The following PIKFYVE variants were observed in gnomAD, a reference collection of about 807,000 sequenced individuals.
PIKFYVE encodes phosphoinositide kinase, FYVE-type zinc finger containing, also known as 1-phosphatidylinositol 3-phosphate 5-kinase.
PIKFYVE carries 122 observed loss-of-function variants against 257.9 expected under a neutral mutation model. That is an observed-to-expected ratio of 0.47 (90% CI 0.41 to 0.55). PIKFYVE has a LOEUF of 0.55. PIKFYVE is among the 20% of genes least tolerant of loss of function. The pLI, the probability that PIKFYVE is intolerant of heterozygous loss-of-function variation, is 0.00. For missense variants in PIKFYVE, 2,160 were observed against 2,536.6 expected (o/e 0.85, Z 3.19); for synonymous variants, 892 against 868.9 (o/e 1.03, Z -0.47).
At position 208,350,892 on chromosome 2, in the gene PIKFYVE, A is replaced by G. The variant is rs1157703295; in HGVS notation, c.5556A>G (p.Ser1852=). 2 of 1,614,152 alleles carry G rather than the reference A, an allele frequency of 1.2e-6. No homozygotes were observed. Among genetic ancestry groups the G allele is most frequent in the South Asian group, 2.2e-5 (2 of 91,082 alleles). The part of the protein sequence containing the change: ...EEDFIRSLSH[S]SPWQARGGKS... ...ATTTCATTCGTTCCCTCTCCCACTCATCACCCTGGCAGGCCCGGGGAGGCA... is the reference window on the plus strand; with the variant it reads ...ATTTCATTCGTTCCCTCTCCCACTCGTCACCCTGGCAGGCCCGGGGAGGCA... Residue 1852 remains serine, a synonymous_variant, in exon 37 of 42, where the codon TCA becomes TCG. Transcript: ENST00000264380.
chr2:208,317,360 C>T (rs933491756), intron 15 of PIKFYVE, among the ~76,000 whole-genome samples: 2 of 151,878 alleles, frequency 1.3e-5, no homozygotes, highest in African/African-American at 4.8e-5. Flanking sequence ...ATTTATGCAG[C>T]CAAAAGACAC....
At chr2:208,301,553 A>G (rs750584010) in intron 9 of PIKFYVE, among the ~76,000 whole-genome samples, 15 of 152,114 alleles carry the variant, frequency 9.9e-5, no homozygotes, top group African/African-American at 2.4e-4. Context: ...AGCTTTTACT[A>G]TTTTCTCAGA....
At chr2:208,306,707 G>A (rs1368031134) in intron 12 of PIKFYVE, among the ~76,000 whole-genome samples, 1 of 151,874 alleles carries the variant, frequency 6.6e-6, no homozygotes, top group Non-Finnish European at 1.5e-5. Flanking sequence ...TATCTCCAAG[G>A]AAATTGACAG....
intron 13 of PIKFYVE, among the ~76,000 whole-genome samples, chr2:208,313,581 ATTT>A (rs35491714): frequency 4.7e-5 from 6 of 127,730 alleles, no homozygotes; most frequent in Non-Finnish European, 8.4e-5. Context: ...TCAGTTTGTG[ATTT>A]TTTTTTTTTT....
At chr2:208,297,098 TG>T (rs1173402169) in intron 7 of PIKFYVE, among the ~76,000 whole-genome samples, 5 of 152,210 alleles carry the variant, frequency 3.3e-5, no homozygotes, top group Admixed American at 3.3e-4. Context: ...CTAAGACTGA[TG>T]TAAGTCTTTA....
Position 208,350,519 on chromosome 2 carries a change from T to C in PIKFYVE, c.5435-252T>C, listed in dbSNP as rs569714306. ...AGTGTAAAATTAGAACTGAGTCTTT[T>C]TTTTATGTGATTTTTATTTTTTTCT... On this transcript the variant is annotated intron_variant, in intron 36 of 41. Transcript: ENST00000264380. 6.6e-5 allele frequency among the ~76,000 whole-genome samples: 10 copies of C among 152,268 alleles called. No homozygotes were observed. The East Asian group carries it at 1.9e-3, about 29-fold the overall frequency.
At chr2:208,280,069 T>C (rs1690607886) in intron 5 of PIKFYVE, among the ~76,000 whole-genome samples, 2 of 152,202 alleles carry the variant, frequency 1.3e-5, no homozygotes, top group African/African-American at 4.8e-5. Context: ...CTTTGTAAAA[T>C]GATAATTTGA....
At chr2:208,292,177 T>C (rs1692398101) in intron 7 of PIKFYVE, among the ~76,000 whole-genome samples, 1 of 152,142 alleles carries the variant, frequency 6.6e-6, no homozygotes, top group South Asian at 2.1e-4. Flanking sequence ...TTGTATGATT[T>C]CTACTCTTAA....
chr2:208,315,792 C>T (rs6708926), intron 15 of PIKFYVE, among the ~76,000 whole-genome samples: 141,331 of 151,948 alleles, frequency 0.93, 66,258 homozygotes, highest in Non-Finnish European at 0.98. Context: ...TTGAATCTGG[C>T]CCAACACCAA....
Position 208,347,888 on chromosome 2 carries a change from T to C in PIKFYVE, c.5239T>C (p.Phe1747Leu). Residue 1747 changes from phenylalanine to leucine, a missense_variant, in exon 35 of 42, where the codon TTC (phenylalanine) becomes CTC (leucine). Physicochemically the swap from Phe to Leu is conservative, Grantham distance 22. Transcript: ENST00000264380. The stretch of plus-strand genomic sequence containing the variant: ...AAAGGCTTCTGGAATGTTGTCCTTC[T>C]TCAGAGGGACAGCAGGGAAAAGCCC... ...TKKASGMLSF[F>L]RGTAGKSPDL... The C allele has an allele frequency of 6.2e-7, 1 of 1,613,790 alleles. No homozygotes were observed. The highest frequency in any genetic ancestry group is 1.1e-5 in the South Asian group (1 of 91,064).
At position 208,271,518 on chromosome 2, in the gene PIKFYVE, A is replaced by C; in HGVS notation, c.-2A>C. 1 of 1,614,122 alleles carries C rather than the reference A, an allele frequency of 6.2e-7. No homozygotes were observed. The highest frequency in any genetic ancestry group is 8.5e-7 in the Non-Finnish European group (1 of 1,179,996). The stretch of plus-strand genomic sequence containing the variant: ...GTTTCTTTTGTTTTTCAGACTCATG[A>C]AATGGCCACAGATGATAAGACGTCC... On this transcript the variant is annotated 5_prime_UTR_variant, in exon 2 of 42. Coordinates refer to ENST00000264380, the MANE Select transcript of PIKFYVE (RefSeq NM_015040.4).
chr2:208,354,083 T>C lies in PIKFYVE; in HGVS notation c.6030T>C (p.Ser2010=). Residue 2010 remains serine, a synonymous_variant, in exon 40 of 42, where the codon TCT becomes TCC. Coordinates refer to ENST00000264380, the MANE Select transcript of PIKFYVE (RefSeq NM_015040.4). The part of the protein sequence containing the change: ...TSIHSDSHFL[S]SHLIIDYSLL... ...TCCATAGTGACTCCCATTTCCTTTC[T>C]AGCCACCTCATTATAGATTATTCTT... 1 of 1,613,984 alleles carries C rather than the reference T, an allele frequency of 6.2e-7. No homozygotes were observed. The highest frequency in any genetic ancestry group is 8.5e-7 in the Non-Finnish European group (1 of 1,179,892).
At chr2:208,307,640 T>C (rs1694485340) in intron 12 of PIKFYVE, among the ~76,000 whole-genome samples, 1 of 151,800 alleles carries the variant, frequency 6.6e-6, no homozygotes, top group East Asian at 1.9e-4. Flanking sequence ...TAGAGAAGTG[T>C]AGTAAGCAGA....
intron 12 of PIKFYVE, among the ~76,000 whole-genome samples, chr2:208,305,786 G>T (rs185250564): frequency 2.9e-3 from 435 of 152,160 alleles, no homozygotes; most frequent in African/African-American, 9.8e-3. Context: ...GTGTAAAAGT[G>T]AATAAATAAA....
At chr2:208,348,172 A>AAAAGCATGGCACTG (rs931100385) in intron 35 of PIKFYVE, 149 bp downstream of exon 35, 2 of 1,031,276 alleles carry the variant, frequency 1.9e-6, no homozygotes, top group African/African-American at 3.1e-5. Context: ...GTAGAGTGGA[A>AAAAGCATGGCACTG]AAAGCATGGC....
rs750199693 is a variant in PIKFYVE at position 208,333,344 on chromosome 2, G to A, written c.3993G>A (p.Glu1331=). The change falls in exon 24 of 42, where the codon GAG becomes GAA. Residue 1331 remains glutamate (E), a synonymous_variant. Coordinates refer to ENST00000264380, the MANE Select transcript of PIKFYVE (RefSeq NM_015040.4). ...QVTPVVALSN[E]SWSMSFAKYL... ...CACCAGTTGTTGCTCTTTCCAATGA[G>A]TCCTGGTCTATGTCATTTGCAAAAT... is the stretch of plus-strand genomic sequence containing the variant. 2.3e-5 allele frequency: 37 copies of A among 1,613,932 alleles called. No homozygotes were observed. The highest frequency in any genetic ancestry group is 3.1e-5 in the Non-Finnish European group (36 of 1,180,004).
chr2:208,300,786 T>G lies in PIKFYVE; in HGVS notation c.1051-151T>G, dbSNP rs1693585859. 3.3e-6 allele frequency: 3 copies of G among 920,916 alleles called. No individual in the cohort carries two copies. In the East Asian group the frequency reaches 7.8e-5, roughly 24 times the overall value. 57.0% of individuals were successfully genotyped at this position (920,916 alleles called of 1,614,324 possible). ...GCAGAGTTCAAGCTGTTCCCACGTA[T>G]ATGACATTTGTATTAAATTGTGTGA... On this transcript the variant is annotated intron_variant, in intron 8 of 41. Transcript: ENST00000264380.
intron 35 of PIKFYVE, among the ~76,000 whole-genome samples, chr2:208,349,751 C>T (rs1699594647): frequency 6.6e-6 from 1 of 151,942 alleles, no homozygotes; most frequent in Admixed American, 6.6e-5. Flanking sequence ...TATATTGCCA[C>T]TGTAGGAATC....
At chr2:208,319,538 T>G (rs1370275719) in intron 16 of PIKFYVE, among the ~76,000 whole-genome samples, 1 of 152,208 alleles carries the variant, frequency 6.6e-6, no homozygotes, top group Non-Finnish European at 1.5e-5. Flanking sequence ...TTAGAGATAG[T>G]CCTTGATTTG....
Sources: gnomAD v4.1 joint callset for allele counts (sites outside exome capture counted in the v4.1 genomes callset) on GRCh38, gnomAD v4.1.1 for gene constraint, MANE v1.5 for transcripts, NCBI Gene and HGNC (gene_info 2026-07-23, HGNC 2026-07-21) for gene names.